ATL3: variants seen among roughly 807,000 people sequenced by gnomAD.
The protein encoded by ATL3 is atlastin GTPase 3.
A neutral mutation model predicts 69.5 loss-of-function variants in ATL3; 49 were observed. The observed-to-expected ratio is 0.71, with a 90% confidence interval of 0.56 to 0.89. ATL3 has a LOEUF of 0.89. ATL3 is among the 40% of genes least tolerant of loss of function. The probability of loss-of-function intolerance (pLI) is 0.00; values close to 1 mark genes in which losing one functional copy is unlikely to be tolerated. For synonymous variants in ATL3, 214 were observed against 224.1 expected (o/e 0.95, Z 0.40); for missense variants, 606 against 645.7 (o/e 0.94, Z 0.67).
intron 10 of ATL3, among the ~76,000 whole-genome samples, chr11:63,634,454 C>A (rs188583469): frequency 1.3e-5 from 2 of 151,982 alleles, no homozygotes; most frequent in Non-Finnish European, 2.9e-5. Context: ...TTGCAGTGAG[C>A]CGAGATTGTG....
chr11:63,636,397 C>T (rs1451193737), intron 8 of ATL3, 63 bp from the exon 9 acceptor site: 2 of 1,601,554 alleles, frequency 1.2e-6, no homozygotes, highest in African/African-American at 1.3e-5. Context: ...CCAAGGTGAA[C>T]ACACAATGCA....
At chr11:63,671,264 C>G in intron 1 of ATL3, 26 bp downstream of exon 1, 1 of 1,567,312 alleles carries the variant, frequency 6.4e-7, no homozygotes, top group Non-Finnish European at 8.6e-7. Flanking sequence ...GGCCGCGGGG[C>G]GATCCAGGGA....
At chr11:63,670,309 G>A (rs1006778485) in intron 1 of ATL3, 4 of 152,134 alleles carry the variant, frequency 2.6e-5, no homozygotes, top group Admixed American at 6.6e-5. Flanking sequence ...TACTCCGTAG[G>A]TTATGCTTCT....
In ATL3 at chr11:63,625,271, C is replaced by T. The variant is rs1939068171; in HGVS notation, c.*4048G>A. 1 of 152,074 alleles carries T rather than the reference C, an allele frequency of 6.6e-6. No individual in the cohort carries two copies. The highest frequency in any genetic ancestry group is 1.5e-5 in the Non-Finnish European group (1 of 68,006). 9.4% of individuals were successfully genotyped at this position (152,074 alleles called of 1,614,324 possible). Reference sequence around the variant, plus strand: ...TTGACTAGAATTTTGTTAAATAAAACATATGTAAGCCAGAATGACACAGCC... The same window carrying T: ...TTGACTAGAATTTTGTTAAATAAAATATATGTAAGCCAGAATGACACAGCC... On this transcript the variant is annotated 3_prime_UTR_variant, in exon 13 of 13. Transcript: ENST00000398868.
intron 3 of ATL3, among the ~76,000 whole-genome samples, chr11:63,656,113 C>A (rs886958148): frequency 2.0e-5 from 3 of 151,370 alleles, no homozygotes; most frequent in Admixed American, 1.3e-4. Context: ...AGTCCCAGCT[C>A]CTTGGGAGGC....
intron 1 of ATL3, among the ~76,000 whole-genome samples, chr11:63,666,636 G>A (rs1012581824): frequency 7.0e-6 from 1 of 142,570 alleles, no homozygotes; most frequent in Non-Finnish European, 1.5e-5. Context: ...ATCGCACACC[G>A]TGCGATCAAG....
intron 8 of ATL3, among the ~76,000 whole-genome samples, chr11:63,642,866 C>G (rs1180728279): frequency 6.6e-6 from 1 of 152,142 alleles, no homozygotes; most frequent in East Asian, 1.9e-4. Flanking sequence ...GAAAAAGGAA[C>G]AAAGATAAGA....
At chr11:63,671,021 G>A (rs1940753760) in intron 1 of ATL3, among the ~76,000 whole-genome samples, 1 of 152,128 alleles carries the variant, frequency 6.6e-6, no homozygotes, top group Admixed American at 6.5e-5. Flanking sequence ...GGAGCTGGAG[G>A]AGCCCCCGGC....
chr11:63,668,503 G>C (rs1213318385), intron 1 of ATL3, among the ~76,000 whole-genome samples: 2 of 152,202 alleles, frequency 1.3e-5, no homozygotes, highest in African/African-American at 2.4e-5. Context: ...TTTTATATTT[G>C]TCTGTTGTAG....
Position 63,658,776 on chromosome 11 carries a change from C to A in ATL3, c.390G>T (p.Lys130Asn). The A allele has an allele frequency of 6.2e-7, 1 of 1,603,194 alleles. No homozygotes were observed. Among genetic ancestry groups the A allele is most frequent in the Non-Finnish European group, 8.5e-7 (1 of 1,177,008 alleles). The change falls in exon 3 of 13, where the codon AAG (lysine) becomes AAT (asparagine). Residue 130 changes from lysine (K) to asparagine (N), a missense_variant. Lys to Asn is a moderately conservative substitution (Grantham distance 94). Coordinates refer to ENST00000398868, the MANE Select transcript of ATL3 (RefSeq NM_015459.5). ...QIWSEVFTVE[K>N]PGGKKVAVVL... ...TCATCCTTACCTTCTTCCCACCTGG[C>A]TTCTCCACAGTGAAAACTTCACTCC...
At chr11:63,671,385 C>T (rs767160307), upstream of ATL3, 4 of 1,502,270 alleles carry the variant, frequency 2.7e-6, no homozygotes, top group Admixed American at 4.3e-5. Context: ...AGGAGAGGGA[C>T]GGGTGCGGGC....
chr11:63,644,342 A>G (rs901733609), intron 6 of ATL3, 81 bp from the exon 7 acceptor site: 1 of 825,000 alleles, frequency 1.2e-6, no homozygotes, highest in African/African-American at 1.8e-5. Flanking sequence ...TCTTTGCATA[A>G]TGCCAGCTTC....
chr11:63,652,729 G>A (rs897601363), intron 3 of ATL3, among the ~76,000 whole-genome samples, 154 bp from the exon 4 acceptor site: 2 of 152,134 alleles, frequency 1.3e-5, no homozygotes, highest in African/African-American at 4.8e-5. Flanking sequence ...CAACTATTTA[G>A]GTGCTTTGCT....
chr11:63,630,994 T>C (rs1036600969), intron 12 of ATL3, 46 bp downstream of exon 12: 1 of 1,530,184 alleles, frequency 6.5e-7, no homozygotes, highest in Admixed American at 2.1e-5. Context: ...GAAGCACAAA[T>C]ATCTGCCCAT....
rs576194623 is a variant in ATL3 at position 63,626,895 on chromosome 11, C to A, written c.*2424G>T. On this transcript the variant is annotated 3_prime_UTR_variant, in exon 13 of 13. Coordinates refer to ENST00000398868, the MANE Select transcript of ATL3 (RefSeq NM_015459.5). ...AGAGGCCAAAGAAAACTCTTAAGAACCCTCACTGAGAAAACTTTATAAAAC... is the reference window on the plus strand; with the variant it reads ...AGAGGCCAAAGAAAACTCTTAAGAAACCTCACTGAGAAAACTTTATAAAAC... 7.3e-5 allele frequency: 11 copies of A among 151,680 alleles called. No homozygotes were observed. Among genetic ancestry groups the A allele is most frequent in the Admixed American group, 2.0e-4 (3 of 15,254 alleles). The allele number at this position is 151,680 out of a possible 1,614,324, so 9.4% of individuals were successfully genotyped here.
intron 1 of ATL3, among the ~76,000 whole-genome samples, chr11:63,670,106 CA>C (rs1372872860): frequency 6.6e-6 from 1 of 151,946 alleles, no homozygotes; most frequent in Non-Finnish European, 1.5e-5. Flanking sequence ...AACTCCGTCT[CA>C]AAAAATAATA....
intron 11 of ATL3, chr11:63,632,366 A>C (rs1939349089): frequency 1.1e-6 from 1 of 891,416 alleles, no homozygotes; most frequent in African/African-American, 1.6e-5. Context: ...CAAAATTCAG[A>C]TACTGTCTTT....
chr11:63,671,653 A>C, upstream of ATL3: 1 of 1,395,482 alleles, frequency 7.2e-7, no homozygotes, highest in South Asian at 1.3e-5. Flanking sequence ...CGGGGCGCTG[A>C]GTGCTACCGT....
intron 3 of ATL3, among the ~76,000 whole-genome samples, chr11:63,658,397 G>C (rs532069371): frequency 6.6e-6 from 1 of 152,276 alleles, no homozygotes; most frequent in Admixed American, 6.5e-5. Context: ...TTTTAACTGA[G>C]TCTAAAAATG....
Sources: gnomAD v4.1 joint callset for allele counts (sites outside exome capture counted in the v4.1 genomes callset) on GRCh38, gnomAD v4.1.1 for gene constraint, MANE v1.5 for transcripts, NCBI Gene and HGNC (gene_info 2026-07-23, HGNC 2026-07-21) for gene names.